Variants in BAG4 observed in about 807,000 individuals in gnomAD.
BAG4 encodes the protein BAG family molecular chaperone regulator 4.
Under a neutral mutation model 52.1 loss-of-function variants are expected in BAG4, and 28 were observed. The ratio of observed to expected loss-of-function variants is 0.54; its 90% CI spans 0.40 to 0.74. BAG4 has a LOEUF of 0.74. Ranked by LOEUF, BAG4 falls within the 30% of genes least tolerant of loss-of-function variation. The probability of loss-of-function intolerance (pLI) is 0.00; values close to 1 mark genes in which losing one functional copy is unlikely to be tolerated. For missense variants in BAG4, 525 were observed against 572.0 expected (o/e 0.92, Z 0.84); for synonymous variants, 208 against 217.0 (o/e 0.96, Z 0.37).
chr8:38,179,564 G>A (rs28729150), intron 1 of BAG4, among the ~76,000 whole-genome samples: 1 of 149,578 alleles, frequency 6.7e-6, no homozygotes, highest in African/African-American at 2.4e-5. Flanking sequence ...TCAGGAGTTC[G>A]AGACCAGCCT....
Position 38,180,603 on chromosome 8 carries a change from CTT to C in BAG4, c.270+3471_270+3472del, listed in dbSNP as rs560012350. Among the ~76,000 whole-genome samples the C allele has an allele frequency of 3.9e-4, 56 of 142,838 alleles. 1 individual carries two copies. Among genetic ancestry groups the C allele is most frequent in the African/African-American group, 1.4e-3 (53 of 39,228 alleles). The allele number at this position is 142,838 out of a possible 152,430, so 93.7% of individuals were successfully genotyped here. A position where few individuals can be genotyped will look rare whatever the true frequency, so the allele number is the denominator to read the frequency against. ...GTTTTTTCCAGATTTGTTATTTTGA[CTT>C]TTTTTTATGTTTTGCATTTTTATAG... On this transcript the variant is annotated intron_variant, in intron 1 of 4. Coordinates refer to ENST00000287322, the MANE Select transcript of BAG4 (RefSeq NM_004874.4).
chr8:38,212,714 AG>A lies in BAG4; in HGVS notation c.*2223del, dbSNP rs567333339. ...GTTGTTAACCTTGATCACTATGCTA[AG>A]GTGGTGTCTGCTAGGATTCGCTACT... On this transcript the variant is annotated 3_prime_UTR_variant, in exon 5 of 5. Coordinates refer to ENST00000287322, the MANE Select transcript of BAG4 (RefSeq NM_004874.4). The A allele has an allele frequency of 6.6e-6, 1 of 152,154 alleles. No individual in the cohort carries two copies. Among genetic ancestry groups the A allele is most frequent in the Non-Finnish European group, 1.5e-5 (1 of 68,022 alleles). The allele number at this position is 152,154 out of a possible 1,614,324, so 9.4% of individuals were successfully genotyped here.
rs1803841172 is a variant in BAG4 at position 38,210,075 on chromosome 8, A to G, written c.956A>G (p.His319Arg). 1 of 1,614,084 alleles carries G rather than the reference A, an allele frequency of 6.2e-7. No homozygotes were observed. Among genetic ancestry groups the G allele is most frequent in the Admixed American group, 1.7e-5 (1 of 59,992 alleles). ...MNRHNFPCSVHQYESSGTVNN... is the reference protein window; with the variant it reads ...MNRHNFPCSVRQYESSGTVNN... ...CGGCACAACTTTCCTTGCAGTGTCC[A>G]TCAGTACGAATCCTCGGGGACAGTG... The change falls in exon 5 of 5, where the codon CAT becomes CGT. Residue 319 changes from histidine to arginine, a missense_variant. This residue lies in a region of BAG4 where 238 missense variants were observed against 305.8 expected (regional missense o/e 0.78). Transcript: ENST00000287322.
chr8:38,201,288 G>C (rs1206710074), intron 2 of BAG4, among the ~76,000 whole-genome samples: 1 of 152,070 alleles, frequency 6.6e-6, no homozygotes, highest in East Asian at 1.9e-4. Context: ...ACATCACATG[G>C]GGATTATACA....
intron 2 of BAG4, among the ~76,000 whole-genome samples, chr8:38,204,964 AAAC>A (rs1803744128): frequency 6.6e-6 from 1 of 152,208 alleles, no homozygotes; most frequent in South Asian, 2.1e-4. Context: ...AAAAGGAAAA[AAAC>A]AACCTTAAAA....
chr8:38,209,311 G>A (rs200329646), intron 4 of BAG4, 44 bp downstream of exon 4: 9 of 1,611,684 alleles, frequency 5.6e-6, no homozygotes, highest in Non-Finnish European at 1.7e-6. Flanking sequence ...GTGTAATTAG[G>A]AGAACATAAC....
In BAG4 at chr8:38,207,570, C is replaced by T; in HGVS notation, c.437C>T (p.Ala146Val). The change falls in exon 3 of 5, where the codon GCA becomes GTA. Residue 146 changes from alanine to valine, a missense_variant. By Grantham distance (64) the Ala-to-Val change is moderately conservative (BLOSUM62 0). This residue lies in a region of BAG4 where 287 missense variants were observed against 266.1 expected (regional missense o/e 1.08). Transcript: ENST00000287322. ...YGPTYPPGPG[A>V]NTASYSGAYY... ...CCAACATACCCCCCAGGCCCTGGGGCAAATACTGCCTCATACTCAGGGGCT... is the reference window on the plus strand; with the variant it reads ...CCAACATACCCCCCAGGCCCTGGGGTAAATACTGCCTCATACTCAGGGGCT... 6.2e-7 allele frequency: 1 copy of T among 1,613,730 alleles called. No individual in the cohort carries two copies. The highest frequency in any genetic ancestry group is 1.3e-5 in the African/African-American group (1 of 75,024).
chr8:38,183,419 G>A (rs1357100811), intron 1 of BAG4, among the ~76,000 whole-genome samples: 1 of 151,954 alleles, frequency 6.6e-6, no homozygotes, highest in Non-Finnish European at 1.5e-5. Context: ...TTCTCCTGCC[G>A]ACTCAAAAGT....
At chr8:38,206,740 A>G (rs1461326641) in intron 2 of BAG4, among the ~76,000 whole-genome samples, 1 of 152,128 alleles carries the variant, frequency 6.6e-6, no homozygotes, top group Non-Finnish European at 1.5e-5. Flanking sequence ...AGCCTATGGC[A>G]GAGCTAGGTC....
chr8:38,196,767 T>C (rs969596769), intron 2 of BAG4, among the ~76,000 whole-genome samples: 1 of 151,514 alleles, frequency 6.6e-6, no homozygotes. Flanking sequence ...TATATCTTGT[T>C]TGGAGAAATG....
intron 2 of BAG4, among the ~76,000 whole-genome samples, chr8:38,200,799 T>C (rs532771820): frequency 4.5e-4 from 69 of 152,170 alleles, no homozygotes; most frequent in Non-Finnish European, 9.1e-4. Context: ...GGTTTCTCCA[T>C]GTTGGTCAGG....
intron 1 of BAG4, among the ~76,000 whole-genome samples, chr8:38,191,760 CAAAAAAA>C (rs35851034): frequency 1.4e-5 from 1 of 72,624 alleles, no homozygotes; most frequent in Admixed American, 1.6e-4. Flanking sequence ...AACTCTGTCT[CAAAAAAA>C]AAAAAAAAAA....
At chr8:38,208,223 C>T (rs1002670201) in intron 3 of BAG4, among the ~76,000 whole-genome samples, 2 of 147,052 alleles carry the variant, frequency 1.4e-5, no homozygotes, top group African/African-American at 2.5e-5. Flanking sequence ...GATCTGCCCC[C>T]CTCGGCCTCC....
intron 2 of BAG4, among the ~76,000 whole-genome samples, chr8:38,198,244 C>T (rs10156283): frequency 0.22 from 32,638 of 150,080 alleles, 3,792 homozygotes; most frequent in East Asian, 0.31. Context: ...ATTAGCCGGG[C>T]GAGGTGGCAG....
In BAG4 at chr8:38,207,627, A is replaced by G. The variant is rs1585667320; in HGVS notation, c.494A>G (p.Tyr165Cys). ...GCACCTGGTTATACTCAGACCAGTT[A>G]CTCCACAGAAGTTCCAAGTACTTAC... The part of the protein sequence containing the change: ...YYAPGYTQTS[Y>C]STEVPSTYRS... Residue 165 changes from tyrosine (Y) to cysteine (C), a missense_variant, in exon 3 of 5, where the codon TAC (tyrosine) becomes TGC (cysteine). Transcript: ENST00000287322. 1.2e-6 allele frequency: 2 copies of G among 1,613,878 alleles called. No individual in the cohort carries two copies. Among genetic ancestry groups the G allele is most frequent in the East Asian group, 2.2e-5 (1 of 44,870 alleles).
chr8:38,186,895 G>A (rs1803373577), intron 1 of BAG4, among the ~76,000 whole-genome samples: 1 of 152,216 alleles, frequency 6.6e-6, no homozygotes. Flanking sequence ...CATACTTGAA[G>A]TTTGAGGGCA....
intron 1 of BAG4, among the ~76,000 whole-genome samples, chr8:38,186,151 G>T (rs1404729892): frequency 6.6e-6 from 1 of 152,104 alleles, no homozygotes; most frequent in Admixed American, 6.6e-5. Context: ...GCTGAGTGGT[G>T]GTGGTTCCTT....
At chr8:38,195,013 C>T (rs1803541805) in intron 2 of BAG4, among the ~76,000 whole-genome samples, 2 of 151,638 alleles carry the variant, frequency 1.3e-5, no homozygotes, top group Admixed American at 1.3e-4. Flanking sequence ...CGCCACCACG[C>T]CCAGCTAATT....
intron 1 of BAG4, among the ~76,000 whole-genome samples, chr8:38,178,433 G>A (rs1423096585): frequency 6.6e-6 from 1 of 152,160 alleles, no homozygotes; most frequent in East Asian, 1.9e-4. Context: ...CGAAGTGTTG[G>A]GATTACAGGC....
Sources: allele counts gnomAD v4.1 joint callset (sites outside exome capture counted in the v4.1 genomes callset), GRCh38; gene constraint gnomAD v4.1.1; regional missense constraint gnomAD v4.1.1; transcripts MANE v1.5; gene names NCBI Gene and HGNC (gene_info 2026-07-23, HGNC 2026-07-21).